ASAH2: variants seen among roughly 807,000 people sequenced by gnomAD.
The protein encoded by ASAH2 is neutral ceramidase.
Under a neutral mutation model 82.9 loss-of-function variants are expected in ASAH2, and 58 were observed. The observed-to-expected ratio is 0.70, with a 90% CI of 0.57 to 0.87. The LOEUF is 0.87. Ranked by LOEUF, ASAH2 falls within the 40% of genes least tolerant of loss-of-function variation. The probability of loss-of-function intolerance (pLI) is 0.00; values close to 1 mark genes in which losing one functional copy is unlikely to be tolerated. For missense variants in ASAH2, 779 were observed against 834.0 expected, an observed-to-expected ratio of 0.93 and a Z score of 0.81; for synonymous variants, 276 against 289.7, an observed-to-expected ratio of 0.95 and a Z score of 0.48.
intron 12 of ASAH2, among the ~76,000 whole-genome samples, chr10:50,210,263 G>A (rs1487417620): frequency 6.6e-6 from 1 of 152,178 alleles, no homozygotes; most frequent in Non-Finnish European, 1.5e-5. Flanking sequence ...CACTCTGGGA[G>A]GCTGAGGCGG....
intron 7 of ASAH2, among the ~76,000 whole-genome samples, chr10:50,227,641 A>T (rs1267110704): frequency 6.6e-6 from 1 of 152,148 alleles, no homozygotes; most frequent in African/African-American, 2.4e-5. Flanking sequence ...ACTTAGAAAA[A>T]AAAAATAATC....
At chr10:50,228,300 T>C (rs1237127461) in intron 7 of ASAH2, among the ~76,000 whole-genome samples, 1 of 152,066 alleles carries the variant, frequency 6.6e-6, no homozygotes, top group Non-Finnish European at 1.5e-5. Context: ...AATGGTTTGG[T>C]AGAGGGCAGT....
rs1846269801 is a variant in ASAH2, at chr10:50,240,611, C to T, written c.510+2591G>A. On this transcript the variant is annotated intron_variant, in intron 4 of 20. Transcript: ENST00000682911. ...CCCTCTGCAATTATGATAAACATAT[C>T]TTCCAGATACATCTCCAACTACATG... 27 of 702,108 alleles carry T rather than the reference C, an allele frequency of 3.8e-5. 1 individual carries two copies. Among genetic ancestry groups the T allele is most frequent in the South Asian group, 3.7e-4 (25 of 67,576 alleles). 43.5% of individuals were successfully genotyped at this position (702,108 alleles called of 1,614,324 possible).
Position 50,206,109 on chromosome 10 carries a change from G to T in ASAH2, c.1415-12C>A. 6.4e-7 allele frequency: 1 copy of T among 1,558,610 alleles called. No individual in the cohort carries two copies. Among genetic ancestry groups the T allele is most frequent in the Non-Finnish European group, 8.9e-7 (1 of 1,129,686 alleles). ...CCCTTCTGTTTTCCCTATTAGAAAT[G>T]TTATAATTAGTATACTTCCTTGAAC... On this transcript the variant is annotated splice_polypyrimidine_tract_variant and intron_variant, in intron 12 of 20. Transcript: ENST00000682911.
At chr10:50,213,805 A>G (rs1186085172) in intron 9 of ASAH2, among the ~76,000 whole-genome samples, 1 of 152,160 alleles carries the variant, frequency 6.6e-6, no homozygotes, top group Admixed American at 6.6e-5. Context: ...TAGGAGCTTT[A>G]AAAAGTCGAT....
chr10:50,223,577 G>A (rs900347692), intron 7 of ASAH2, among the ~76,000 whole-genome samples: 49 of 152,296 alleles, frequency 3.2e-4, no homozygotes, highest in Middle Eastern at 3.4e-3. Context: ...AAGATTCATA[G>A]CAACATGGGA....
chr10:50,227,837 T>G (rs973744152), intron 7 of ASAH2, among the ~76,000 whole-genome samples: 2 of 152,144 alleles, frequency 1.3e-5, no homozygotes, highest in African/African-American at 4.8e-5. Flanking sequence ...AAAGCCCTTT[T>G]AGGCACCTTC....
intron 4 of ASAH2, among the ~76,000 whole-genome samples, chr10:50,239,828 ATTT>A (rs1208518684): frequency 0.16 from 18,949 of 120,648 alleles, 1,464 homozygotes; most frequent in East Asian, 0.36. Context: ...CTCACATTTA[ATTT>A]TTTTTTTTTT....
In ASAH2 at chr10:50,242,798, G is replaced by A. The variant is rs1439655314; in HGVS notation, c.510+404C>T. On this transcript the variant is annotated intron_variant, in intron 4 of 20. Coordinates refer to ENST00000682911, the MANE Select transcript of ASAH2 (RefSeq NM_019893.4). Reference sequence around the variant, plus strand: ...TCATTTCAATGTTGCGTTTTAATTCGCATCCGATTCCTCACATGTATTCTC... The same window carrying A: ...TCATTTCAATGTTGCGTTTTAATTCACATCCGATTCCTCACATGTATTCTC... Among the ~76,000 whole-genome samples the A allele has an allele frequency of 2.0e-5, 3 of 152,190 alleles. No individual in the cohort carries two copies. The East Asian group carries it at 5.8e-4, about 29-fold the overall frequency.
Position 50,248,469 on chromosome 10 carries a change from G to T in ASAH2, c.127+15C>A, listed in dbSNP as rs1158955039. On this transcript the variant is annotated intron_variant, in intron 2 of 20. Transcript: ENST00000682911. ...AGGCCTAAAAATTGCATCTAAGAGA[G>T]CCCATGACACTTGCCTTTGTGGTTT... 6.2e-7 allele frequency: 1 copy of T among 1,612,768 alleles called. No homozygotes were observed. The highest frequency in any genetic ancestry group is 1.3e-5 in the African/African-American group (1 of 74,850).
chr10:50,211,218 G>A, intron 10 of ASAH2, 84 bp from the exon 11 acceptor site: 2 of 1,068,198 alleles, frequency 1.9e-6, no homozygotes, highest in South Asian at 1.3e-5. Flanking sequence ...CCAATTTGAT[G>A]CAATTTGGAA....
At chr10:50,238,635 T>C (rs1182039612) in intron 4 of ASAH2, among the ~76,000 whole-genome samples, 1 of 152,110 alleles carries the variant, frequency 6.6e-6, no homozygotes, top group Non-Finnish European at 1.5e-5. Flanking sequence ...CTGATGTTCT[T>C]AACAATTTGC....
intron 1 of ASAH2, among the ~76,000 whole-genome samples, chr10:50,250,705 T>C (rs1846591830): frequency 6.6e-6 from 1 of 152,178 alleles, no homozygotes; most frequent in South Asian, 2.1e-4. Context: ...GCAGATTGTG[T>C]ATGTAAATGT....
At chr10:50,201,637 T>C (rs1052710501) in intron 16 of ASAH2, among the ~76,000 whole-genome samples, 11 of 152,072 alleles carry the variant, frequency 7.2e-5, no homozygotes, top group Admixed American at 2.6e-4. Context: ...CTAACCTTGT[T>C]TGTGACATGG....
chr10:50,234,588 A>G, intron 5 of ASAH2, 36 bp from the exon 6 acceptor site: 1 of 1,612,270 alleles, frequency 6.2e-7, no homozygotes, highest in Admixed American at 1.7e-5. Context: ...TTATAAGCTT[A>G]GAAATCCTGG....
intron 8 of ASAH2, among the ~76,000 whole-genome samples, chr10:50,218,130 T>TAAAAATA (rs145627131): frequency 1.3e-5 from 2 of 151,950 alleles, no homozygotes; most frequent in African/African-American, 2.4e-5. Context: ...TCTCAAAAAA[T>TAAAAATA]AAAATAAAAA....
intron 2 of ASAH2, 41 bp downstream of exon 2, chr10:50,248,443 C>T (rs763814274): frequency 3.1e-6 from 5 of 1,605,210 alleles, no homozygotes; most frequent in African/African-American, 2.7e-5. Context: ...AAGTTTCATA[C>T]AGGCCTAAAA....
chr10:50,199,527 T>C (rs1328476173), intron 16 of ASAH2, among the ~76,000 whole-genome samples: 5 of 151,490 alleles, frequency 3.3e-5, no homozygotes, highest in Non-Finnish European at 7.4e-5. Flanking sequence ...TCTGGATAAA[T>C]AGTTAGAAGG....
At chr10:50,218,201 C>A (rs1845657935) in intron 8 of ASAH2, among the ~76,000 whole-genome samples, 1 of 152,256 alleles carries the variant, frequency 6.6e-6, no homozygotes, top group Admixed American at 6.5e-5. Flanking sequence ...AACAGTTTGT[C>A]ATATTTTCAG....
Sources: allele counts gnomAD v4.1 joint callset (sites outside exome capture counted in the v4.1 genomes callset), GRCh38; gene constraint gnomAD v4.1.1; transcripts MANE v1.5; gene names NCBI Gene and HGNC (gene_info 2026-07-23, HGNC 2026-07-21).